Variants in SQSTM1 observed in about 807,000 individuals in gnomAD.
The protein encoded by SQSTM1 is sequestosome-1.
Under a neutral mutation model 45.1 loss-of-function variants are expected in SQSTM1, and 36 were observed. That is an observed-to-expected ratio of 0.80 (90% confidence interval 0.61 to 1.05). SQSTM1 has a LOEUF of 1.05. SQSTM1 is among the 50% of genes least tolerant of loss of function. SQSTM1 has a pLI of 0.00. For missense variants in SQSTM1, 617 were observed against 607.1 expected, an observed-to-expected ratio of 1.02 and a Z score of -0.17; for synonymous variants, 290 against 244.3, an observed-to-expected ratio of 1.19 and a Z score of -1.74.
chr5:179,835,864 A>G (rs1375041567), intron 7 of SQSTM1: 1 of 170,492 alleles, frequency 5.9e-6, no homozygotes, highest in Non-Finnish European at 1.3e-5. Context: ...GTGGCTGAGT[A>G]GTATTCCATG....
chr5:179,822,123 C>T (rs1198015052), intron 1 of SQSTM1, among the ~76,000 whole-genome samples: 1 of 152,210 alleles, frequency 6.6e-6, no homozygotes, highest in African/African-American at 2.4e-5. Flanking sequence ...TATCCACATG[C>T]CCCCAGCAAC....
In SQSTM1 at chr5:179,837,890, AAG is replaced by A. The variant is rs745365806; in HGVS notation, c.*1301_*1302del. ...CCATGTCAGGCCAGCCTGTCCCTGA[AAG>A]AGAAGATGGCCATGCCCTCCATGTG... On this transcript the variant is annotated 3_prime_UTR_variant, in exon 8 of 8. Coordinates refer to ENST00000389805, the MANE Select transcript of SQSTM1 (RefSeq NM_003900.5). 9.0e-5 allele frequency: 144 copies of A among 1,600,886 alleles called. No homozygotes were observed. The African/African-American group carries it at 1.4e-3, about 15-fold the overall frequency.
chr5:179,806,581 C>A lies in SQSTM1; in HGVS notation c.-167C>A. 1 of 1,277,816 alleles carries A rather than the reference C, an allele frequency of 7.8e-7. No individual in the cohort carries two copies. Among genetic ancestry groups the A allele is most frequent in the Non-Finnish European group, 1.0e-6 (1 of 983,942 alleles). 79.2% of individuals were successfully genotyped at this position (1,277,816 alleles called of 1,614,324 possible). On this transcript the variant is annotated 5_prime_UTR_variant, in exon 1 of 6. Transcript: ENST00000514093. The surrounding 1 kb of genome is among the most constrained non-coding windows in gnomAD (Gnocchi z 4.6). ...TCAGGAAGGTGCCATTGCGGAGCCT[C>A]ATCTCCTCGGGTGCGCGGCGGGCGC...
upstream of SQSTM1, among the ~76,000 whole-genome samples, chr5:179,814,002 G>A (rs926900011): frequency 6.6e-6 from 1 of 152,096 alleles, no homozygotes; most frequent in Non-Finnish European, 1.5e-5. Context: ...CCTAGTACAC[G>A]AATAAAAATG....
chr5:179,821,594 G>C (rs914961438), intron 1 of SQSTM1: 2 of 448,462 alleles, frequency 4.5e-6, no homozygotes, highest in Non-Finnish European at 4.5e-6. Flanking sequence ...GGCGAGCGCC[G>C]GCGAGGGGAG....
In SQSTM1 at chr5:179,837,941, A is replaced by AG; in HGVS notation, c.*1350dup. On this transcript the variant is annotated 3_prime_UTR_variant, in exon 8 of 8. Coordinates refer to ENST00000389805, the MANE Select transcript of SQSTM1 (RefSeq NM_003900.5). ...TGTAAGAACAATGCCAGGGCCCAGG[A>AG]GGACCGCCTGCCCTGCCTGGGCCTT... The AG allele has an allele frequency of 6.5e-7, 1 of 1,535,916 alleles. No homozygotes were observed. The highest frequency in any genetic ancestry group is 8.8e-7 in the Non-Finnish European group (1 of 1,137,640).
rs1387167973 is a variant in SQSTM1 at position 179,837,254 on chromosome 5, A to G, written c.*661A>G. On this transcript the variant is annotated 3_prime_UTR_variant, in exon 8 of 8. Coordinates refer to ENST00000389805, the MANE Select transcript of SQSTM1 (RefSeq NM_003900.5). ...TTAAATGGCATCAGCACTTTAACCA[A>G]TGACGTTTGCATAGAGAGAAATGAT... The G allele has an allele frequency of 6.2e-7, 1 of 1,604,524 alleles. No homozygotes were observed. Among genetic ancestry groups the G allele is most frequent in the Non-Finnish European group, 8.5e-7 (1 of 1,179,456 alleles).
In SQSTM1 at chr5:179,835,468, G is replaced by A. The variant is rs961591254; in HGVS notation, c.1166-968G>A. ...GGAGGCCGAGGCTGGCGGATCACTC[G>A]TGGTTAGGAGCTGGAGACCAGCCCG... On this transcript the variant is annotated intron_variant, in intron 7 of 7. Transcript: ENST00000389805. 4.5e-5 allele frequency: 7 copies of A among 157,162 alleles called. No individual in the cohort carries two copies. The South Asian group carries it at 5.0e-4, about 11-fold the overall frequency. 9.7% of individuals were successfully genotyped at this position (157,162 alleles called of 1,614,324 possible). A position where few individuals can be genotyped will look rare whatever the true frequency, so the allele number is the denominator to read the frequency against.
chr5:179,811,610 G>C, exon 2 of SQSTM1: 1 of 152,166 alleles, frequency 6.6e-6, no homozygotes, highest in Non-Finnish European at 1.5e-5. Flanking sequence ...CGCTGCACAA[G>C]AACCTGGCTT....
chr5:179,831,179 A>C (rs1228887128), intron 5 of SQSTM1, among the ~76,000 whole-genome samples: 2 of 152,228 alleles, frequency 1.3e-5, no homozygotes. Flanking sequence ...GGGTGAACGT[A>C]AAGGGGGTCA....
At chr5:179,817,056 C>T (rs1432673238), upstream of SQSTM1, among the ~76,000 whole-genome samples, 5 of 151,836 alleles carry the variant, frequency 3.3e-5, no homozygotes, top group African/African-American at 7.2e-5. Flanking sequence ...GGTGCGAGGC[C>T]TTCCGCGGGC....
At chr5:179,822,377 T>C in intron 1 of SQSTM1, 1 of 173,000 alleles carries the variant, frequency 5.8e-6, no homozygotes, top group Non-Finnish European at 1.3e-5. Context: ...ACCTGTGCCC[T>C]CGGTGGATGG....
At position 179,837,328 on chromosome 5, in the gene SQSTM1, G is replaced by C. The variant is rs780421957; in HGVS notation, c.*735G>C. ...GTTCTTACAGAGTATCTTTAAAAGT[G>C]CCTTAGGGGAACCCTGTCCCTCCTA... On this transcript the variant is annotated 3_prime_UTR_variant, in exon 8 of 8. Transcript: ENST00000389805. 6.3e-7 allele frequency: 1 copy of C among 1,588,040 alleles called. No individual in the cohort carries two copies. The highest frequency in any genetic ancestry group is 2.2e-5 in the East Asian group (1 of 44,674).
At chr5:179,816,300 C>T (rs192088447), upstream of SQSTM1, among the ~76,000 whole-genome samples, 2 of 152,268 alleles carry the variant, frequency 1.3e-5, no homozygotes, top group South Asian at 4.2e-4. Flanking sequence ...AGGCACCTGC[C>T]GCCACGCCCA....
chr5:179,809,980 C>T (rs1175318964), intron 1 of SQSTM1, among the ~76,000 whole-genome samples: 2 of 151,970 alleles, frequency 1.3e-5, no homozygotes, highest in Non-Finnish European at 2.9e-5. Flanking sequence ...GATGGGGTTT[C>T]ACCATGTTGT....
chr5:179,827,246 C>T (rs762151602), intron 5 of SQSTM1, among the ~76,000 whole-genome samples: 3 of 152,152 alleles, frequency 2.0e-5, no homozygotes, highest in Admixed American at 6.5e-5. Context: ...TGCAGCATCT[C>T]GGAACTGAAC....
At chr5:179,825,288 C>CTG in intron 5 of SQSTM1, 62 bp downstream of exon 5, 2 of 1,352,726 alleles carry the variant, frequency 1.5e-6, no homozygotes, top group Non-Finnish European at 2.1e-6. Context: ...TAACTTTCAC[C>CTG]TGGAATACTG....
At chr5:179,829,812 G>C (rs1281888470) in intron 5 of SQSTM1, among the ~76,000 whole-genome samples, 1 of 152,186 alleles carries the variant, frequency 6.6e-6, no homozygotes, top group Non-Finnish European at 1.5e-5. Flanking sequence ...ATAGTTTCTT[G>C]GCACCAGGCA....
At position 179,837,141 on chromosome 5, in the gene SQSTM1, C is replaced by T. The variant is rs1351922587; in HGVS notation, c.*548C>T. On this transcript the variant is annotated 3_prime_UTR_variant, in exon 8 of 8. Coordinates refer to ENST00000389805, the MANE Select transcript of SQSTM1 (RefSeq NM_003900.5). ...GAGAGCTGCCTCCTGGTCTCTTCAC[C>T]ACTGTAGTTCTCTCATTTCCAAACC... 1 of 1,316,444 alleles carries T rather than the reference C, an allele frequency of 7.6e-7. No homozygotes were observed. The highest frequency in any genetic ancestry group is 2.5e-5 in the East Asian group (1 of 39,916). The allele number at this position is 1,316,444 out of a possible 1,614,324, so 81.5% of individuals were successfully genotyped here. A position where few individuals can be genotyped will look rare whatever the true frequency, so the allele number is the denominator to read the frequency against.
Sources: allele counts gnomAD v4.1 joint callset (sites outside exome capture counted in the v4.1 genomes callset), GRCh38; gene constraint gnomAD v4.1.1; non-coding constraint Gnocchi (gnomAD v3.1); transcripts MANE v1.5; gene names NCBI Gene and HGNC (gene_info 2026-07-23, HGNC 2026-07-21).